The following PDE7B variants were observed in gnomAD, a reference collection of about 807,000 sequenced individuals.
PDE7B encodes the protein 3',5'-cyclic-AMP phosphodiesterase 7B.
Under a neutral mutation model 56.2 loss-of-function variants are expected in PDE7B, and 29 were observed. The observed-to-expected ratio is 0.52, with a 90% CI of 0.38 to 0.70. The LOEUF (loss-of-function observed/expected upper bound fraction) is 0.70. PDE7B is among the 30% of genes least tolerant of loss of function. The pLI, the probability that PDE7B is intolerant of heterozygous loss-of-function variation, is 0.00. For synonymous variants in PDE7B, 197 were observed against 196.9 expected (o/e 1.00, Z 0.00); for missense variants, 490 against 565.0 (o/e 0.87, Z 1.35).
intron 1 of PDE7B, among the ~76,000 whole-genome samples, chr6:135,891,735 T>G (rs978735987): frequency 6.6e-6 from 1 of 152,180 alleles, no homozygotes; most frequent in Non-Finnish European, 1.5e-5. Flanking sequence ...ATAATTCTGG[T>G]TAAGAAGAGA....
In PDE7B at chr6:135,928,500, TTTA is replaced by T. The variant is rs1303918877; in HGVS notation, c.22-18962_22-18960del. ...ATATATATTTATTTATATATATATA[TTTA>T]TATATATATATTTATTTATATATAT... is the stretch of plus-strand genomic sequence containing the variant. On this transcript the variant is annotated intron_variant, in intron 1 of 12. Transcript: ENST00000308191. Among the ~76,000 whole-genome samples, 131 of 104,614 alleles carry T rather than the reference TTTA, an allele frequency of 1.3e-3. 9 individuals are homozygous for T. Among genetic ancestry groups the T allele is most frequent in the South Asian group, 0.012 (40 of 3,424 alleles). The allele number at this position is 104,614 out of a possible 152,430, so 68.6% of individuals were successfully genotyped here. A position where few individuals can be genotyped will look rare whatever the true frequency, so the allele number is the denominator to read the frequency against.
At chr6:136,057,269 C>T (rs1776752585) in intron 2 of PDE7B, among the ~76,000 whole-genome samples, 1 of 152,234 alleles carries the variant, frequency 6.6e-6, no homozygotes, top group Non-Finnish European at 1.5e-5. Flanking sequence ...ACTCAATTCA[C>T]ATTCCCTCAT....
chr6:135,892,907 T>C (rs1583745388), intron 1 of PDE7B, among the ~76,000 whole-genome samples: 1 of 152,342 alleles, frequency 6.6e-6, no homozygotes, highest in East Asian at 1.9e-4. Context: ...ATGTTCACTG[T>C]TGAACTTATG....
intron 2 of PDE7B, among the ~76,000 whole-genome samples, chr6:135,988,179 A>C (rs1279345463): frequency 6.6e-6 from 1 of 152,170 alleles, no homozygotes; most frequent in Non-Finnish European, 1.5e-5. Flanking sequence ...TTAAGAAAGA[A>C]CTAAGAGGGA....
intron 2 of PDE7B, among the ~76,000 whole-genome samples, chr6:136,016,152 G>T (rs1236572155): frequency 6.6e-6 from 1 of 152,120 alleles, no homozygotes; most frequent in African/African-American, 2.4e-5. Context: ...TAATACGTAG[G>T]AAAGTATAAA....
chr6:135,858,104 AAG>A (rs762578257), intron 1 of PDE7B, among the ~76,000 whole-genome samples: 3 of 152,002 alleles, frequency 2.0e-5, no homozygotes, highest in Non-Finnish European at 4.4e-5. Flanking sequence ...TAAAAGAAGA[AAG>A]AGTTCTATTT....
chr6:135,949,728 CT>C (rs570312122), intron 2 of PDE7B, among the ~76,000 whole-genome samples: 1,822 of 152,062 alleles, frequency 0.012, 35 homozygotes, highest in African/African-American at 0.041. Flanking sequence ...TTAGATTTCC[CT>C]TTTTTTCGTA....
At chr6:136,154,024 T>C in intron 6 of PDE7B, 51 bp from the exon 7 acceptor site, 1 of 1,216,984 alleles carries the variant, frequency 8.2e-7, no homozygotes, top group South Asian at 1.2e-5. Context: ...TAAGCTAGTA[T>C]ACCACTCCTA....
intron 2 of PDE7B, among the ~76,000 whole-genome samples, chr6:135,960,482 A>G (rs893190937): frequency 6.6e-6 from 1 of 152,240 alleles, no homozygotes; most frequent in Admixed American, 6.5e-5. Context: ...TATATTTACC[A>G]GTAGCCTGAT....
At chr6:136,008,447 C>A (rs190473163) in intron 2 of PDE7B, among the ~76,000 whole-genome samples, 5 of 152,328 alleles carry the variant, frequency 3.3e-5, no homozygotes, top group Admixed American at 6.5e-5. Flanking sequence ...TAGAGTCCCA[C>A]CAACAGTGTA....
At chr6:136,005,055 C>T (rs1025549162) in intron 2 of PDE7B, among the ~76,000 whole-genome samples, 6 of 152,172 alleles carry the variant, frequency 3.9e-5, no homozygotes, top group Admixed American at 3.9e-4. Flanking sequence ...CGCTGCATAT[C>T]TACAACTATC....
intron 2 of PDE7B, among the ~76,000 whole-genome samples, chr6:136,069,826 A>G (rs1218241647): frequency 1.3e-5 from 2 of 152,178 alleles, no homozygotes; most frequent in Non-Finnish European, 2.9e-5. Flanking sequence ...AAAATTCAGA[A>G]TGGTAAATGA....
chr6:135,934,952 ATATATAATATATATATTTC>A (rs1562445231), intron 1 of PDE7B, among the ~76,000 whole-genome samples: 5 of 48,852 alleles, frequency 1.0e-4, no homozygotes, highest in East Asian at 7.8e-4. Context: ...ATATATATTT[ATATATAATATATATATTTC>A]TCTATATATT....
intron 1 of PDE7B, among the ~76,000 whole-genome samples, chr6:135,867,206 G>C (rs1450973207): frequency 6.6e-6 from 1 of 152,028 alleles, no homozygotes; most frequent in African/African-American, 2.4e-5. Context: ...AACTGTGTTT[G>C]CTATAACTTT....
chr6:135,990,468 C>A (rs1261950533), intron 2 of PDE7B, among the ~76,000 whole-genome samples: 1 of 152,148 alleles, frequency 6.6e-6, no homozygotes, highest in Non-Finnish European at 1.5e-5. Context: ...GCTTTGGGTT[C>A]TTTGGGAAAC....
intron 2 of PDE7B, among the ~76,000 whole-genome samples, chr6:135,993,484 G>T (rs1348871325): frequency 2.6e-5 from 4 of 152,152 alleles, no homozygotes; most frequent in Admixed American, 6.6e-5. Flanking sequence ...TTCAGCCAGG[G>T]TTGAGCGCCC....
intron 2 of PDE7B, among the ~76,000 whole-genome samples, chr6:135,978,993 G>A (rs924158503): frequency 6.6e-6 from 1 of 151,920 alleles, no homozygotes; most frequent in African/African-American, 2.4e-5. Context: ...TGCCCATTCA[G>A]TATGATATTG....
chr6:135,915,781 A>G (rs4896183), intron 1 of PDE7B, among the ~76,000 whole-genome samples: 46,564 of 152,072 alleles, frequency 0.31, 8,011 homozygotes, highest in Middle Eastern at 0.39. Flanking sequence ...GAAGAACTTC[A>G]TCCATGTAGA....
At chr6:135,896,696 T>C (rs1056868718) in intron 1 of PDE7B, among the ~76,000 whole-genome samples, 1 of 152,144 alleles carries the variant, frequency 6.6e-6, no homozygotes, top group African/African-American at 2.4e-5. Context: ...CAAAAAATGA[T>C]GGTATAGCTG....
Sources: gnomAD v4.1 joint callset for allele counts (sites outside exome capture counted in the v4.1 genomes callset) on GRCh38, gnomAD v4.1.1 for gene constraint, MANE v1.5 for transcripts, NCBI Gene and HGNC (gene_info 2026-07-23, HGNC 2026-07-21) for gene names.